Variants in PIK3C2G observed in about 807,000 individuals in gnomAD.
PIK3C2G encodes phosphatidylinositol 3-kinase C2 domain-containing subunit gamma.
In PIK3C2G, 168 loss-of-function variants were observed where a neutral mutation model predicts 181.1. The ratio of observed to expected loss-of-function variants is 0.93; its 90% CI spans 0.82 to 1.05. The LOEUF (loss-of-function observed/expected upper bound fraction) is 1.05, where lower values mean the gene tolerates loss of function less well. PIK3C2G is among the 50% of genes least tolerant of loss of function. The pLI is 0.00. For synonymous variants in PIK3C2G, 573 were observed against 592.2 expected, an observed-to-expected ratio of 0.97 and a Z score of 0.47; for missense variants, 1,869 against 1,732.8, an observed-to-expected ratio of 1.08 and a Z score of -1.40.
chr12:18,445,004 T>G (rs1184245829), intron 18 of PIK3C2G, among the ~76,000 whole-genome samples: 10 of 152,092 alleles, frequency 6.6e-5, no homozygotes, highest in Non-Finnish European at 1.5e-5. Context: ...CTTCAAGAAT[T>G]TATAGTTTTT....
At chr12:18,678,238 A>G in the PIK3C2G span, among the ~76,000 whole-genome samples, 3 of 152,088 alleles carry the variant, frequency 2.0e-5, no homozygotes, top group African/African-American at 7.2e-5. Flanking sequence ...ACATTGTCAC[A>G]TCTGAGCCAA....
At chr12:18,601,770 G>A (rs991516987) in intron 30 of PIK3C2G, among the ~76,000 whole-genome samples, 1 of 152,012 alleles carries the variant, frequency 6.6e-6, no homozygotes, top group Non-Finnish European at 1.5e-5. Context: ...CGTCCAAATA[G>A]CAAAGCAAAA....
At chr12:18,303,007 T>G (rs1450303621) in intron 5 of PIK3C2G, among the ~76,000 whole-genome samples, 1 of 152,114 alleles carries the variant, frequency 6.6e-6, no homozygotes, top group Non-Finnish European at 1.5e-5. Flanking sequence ...AGCAGGCCTG[T>G]CCTCAGACCC....
At chr12:18,483,846 C>G (rs2136032015) in intron 18 of PIK3C2G, among the ~76,000 whole-genome samples, 1 of 152,296 alleles carries the variant, frequency 6.6e-6, no homozygotes, top group Admixed American at 6.5e-5. Flanking sequence ...AGATTTATTT[C>G]TCATTCATGT....
chr12:18,499,801 G>A (rs1592417759), intron 22 of PIK3C2G, among the ~76,000 whole-genome samples: 1 of 152,198 alleles, frequency 6.6e-6, no homozygotes, highest in African/African-American at 2.4e-5. Context: ...ATCCCTAAGA[G>A]CCTTGCTACT....
chr12:18,479,215 A>G (rs1939317445), intron 18 of PIK3C2G, among the ~76,000 whole-genome samples: 2 of 152,074 alleles, frequency 1.3e-5, no homozygotes, highest in Non-Finnish European at 2.9e-5. Flanking sequence ...AGAACATGAG[A>G]CTTCAGAGTG....
chr12:18,724,097 G>T, the PIK3C2G span, among the ~76,000 whole-genome samples: 2 of 152,090 alleles, frequency 1.3e-5, no homozygotes, highest in Admixed American at 6.6e-5. Flanking sequence ...AAGGCAAGTT[G>T]TTAAAAGTAC....
At chr12:18,635,342 C>T (rs748396831) in intron 31 of PIK3C2G, among the ~76,000 whole-genome samples, 20 of 152,194 alleles carry the variant, frequency 1.3e-4, no homozygotes, top group South Asian at 2.1e-4. Context: ...TATCGTGACA[C>T]GCCATCAAGG....
intron 16 of PIK3C2G, among the ~76,000 whole-genome samples, chr12:18,411,282 T>C (rs1944855807): frequency 6.6e-6 from 1 of 152,182 alleles, no homozygotes; most frequent in Non-Finnish European, 1.5e-5. Flanking sequence ...CCTAATGGCC[T>C]AGTGTTTTGG....
the PIK3C2G span, among the ~76,000 whole-genome samples, chr12:18,682,754 T>C: frequency 6.6e-6 from 1 of 151,932 alleles, no homozygotes; most frequent in African/African-American, 2.4e-5. Context: ...ATCTAAGAAC[T>C]AGCATAAGAA....
chr12:18,625,984 T>A (rs1949080565), intron 31 of PIK3C2G, among the ~76,000 whole-genome samples: 1 of 151,888 alleles, frequency 6.6e-6, no homozygotes. Flanking sequence ...TCACTTTGTA[T>A]CTTTTATTAA....
chr12:18,342,926 C>A (rs1427604356), intron 9 of PIK3C2G, among the ~76,000 whole-genome samples: 1 of 151,974 alleles, frequency 6.6e-6, no homozygotes, highest in African/African-American at 2.4e-5. Flanking sequence ...ATTTTGTCCA[C>A]TTCAATTCAG....
At chr12:18,522,711 G>A (rs1186526661) in intron 24 of PIK3C2G, among the ~76,000 whole-genome samples, 1 of 151,850 alleles carries the variant, frequency 6.6e-6, no homozygotes, top group African/African-American at 2.4e-5. Flanking sequence ...ATGTCTTGGG[G>A]ATTTCCTCTT....
At chr12:18,539,288 A>T (rs1944025129) in intron 25 of PIK3C2G, among the ~76,000 whole-genome samples, 1 of 151,904 alleles carries the variant, frequency 6.6e-6, no homozygotes, top group East Asian at 1.9e-4. Context: ...TGAATAAATG[A>T]CCTAGTAGTG....
At chr12:18,698,267 A>ATTCTG in the PIK3C2G span, among the ~76,000 whole-genome samples, 1 of 151,406 alleles carries the variant, frequency 6.6e-6, no homozygotes. Context: ...ATTCTATTCT[A>ATTCTG]TTCTATTCTA....
At chr12:18,541,652 G>A (rs1201127899) in intron 25 of PIK3C2G, among the ~76,000 whole-genome samples, 1 of 151,816 alleles carries the variant, frequency 6.6e-6, no homozygotes, top group Admixed American at 6.6e-5. Context: ...CTTCAAAAAT[G>A]TTCCTGACTT....
At chr12:18,455,792 C>T (rs755231116) in intron 18 of PIK3C2G, among the ~76,000 whole-genome samples, 19 of 152,112 alleles carry the variant, frequency 1.2e-4, no homozygotes, top group Non-Finnish European at 2.6e-4. Flanking sequence ...AATCACATCC[C>T]AAAGGCTTCA....
At chr12:18,334,922 T>C (rs1323194414) in intron 8 of PIK3C2G, among the ~76,000 whole-genome samples, 1 of 152,098 alleles carries the variant, frequency 6.6e-6, no homozygotes, top group Non-Finnish European at 1.5e-5. Context: ...AGAAAAGTGT[T>C]TATACAATTG....
chr12:18,441,718 T>C (rs1440090057), intron 18 of PIK3C2G, among the ~76,000 whole-genome samples: 1 of 152,086 alleles, frequency 6.6e-6, no homozygotes, highest in East Asian at 1.9e-4. Flanking sequence ...CAGAATCACT[T>C]ATAGTAATAG....
Sources: gnomAD v4.1 joint callset for allele counts (sites outside exome capture counted in the v4.1 genomes callset) on GRCh38, gnomAD v4.1.1 for gene constraint, MANE v1.5 for transcripts, NCBI Gene and HGNC (gene_info 2026-07-23, HGNC 2026-07-21) for gene names.